The following OSGIN2 variants were observed in gnomAD, a reference collection of about 807,000 sequenced individuals.
OSGIN2 encodes the protein oxidative stress induced growth inhibitor family member 2.
OSGIN2 carries 19 observed loss-of-function variants against 53.8 expected under a neutral mutation model. The ratio of observed to expected loss-of-function variants is 0.35; its 90% CI spans 0.25 to 0.52. OSGIN2 has a LOEUF of 0.52. Among genes scored for constraint, OSGIN2 ranks in the 20% least tolerant of loss-of-function variants. OSGIN2 has a pLI of 0.95. For synonymous variants in OSGIN2, 236 were observed against 236.0 expected (o/e 1.00, Z 0.00); for missense variants, 520 against 662.7 (o/e 0.78, Z 2.36).
chr8:89,915,272 C>T (rs1472586434), intron 4 of OSGIN2, among the ~76,000 whole-genome samples: 1 of 152,138 alleles, frequency 6.6e-6, no homozygotes, highest in Non-Finnish European at 1.5e-5. Context: ...TGGTAAAGGC[C>T]CTCTTCCTAG....
At position 89,927,225 on chromosome 8, in the gene OSGIN2, A is replaced by T. The variant is rs1809357693; in HGVS notation, c.*1693A>T. 6.6e-6 allele frequency: 1 copy of T among 152,024 alleles called. No individual in the cohort carries two copies. The highest frequency in any genetic ancestry group is 1.5e-5 in the Non-Finnish European group (1 of 67,990). 9.4% of individuals were successfully genotyped at this position (152,024 alleles called of 1,614,324 possible). On this transcript the variant is annotated 3_prime_UTR_variant, in exon 6 of 6. Transcript: ENST00000451899. ...AAAAAAGGGAAGGATAAAACCTTTG[A>T]CATCCCCTTGTGTCTCAAAAGTCCA...
intron 2 of OSGIN2, among the ~76,000 whole-genome samples, chr8:89,910,184 A>G (rs1808939547): frequency 6.6e-6 from 1 of 152,198 alleles, no homozygotes; most frequent in African/African-American, 2.4e-5. Context: ...ACTCTAAGGT[A>G]ATGTTTACAG....
At chr8:89,921,797 C>A (rs1322180906) in intron 5 of OSGIN2, among the ~76,000 whole-genome samples, 3 of 152,136 alleles carry the variant, frequency 2.0e-5, no homozygotes, top group Non-Finnish European at 4.4e-5. Flanking sequence ...GCTTGACCAA[C>A]ATGGTGAAAC....
rs1809352539 is a variant in OSGIN2, at chr8:89,927,135, C to T, written c.*1603C>T. ...ACTCTCTTGCCTGCCTGTTTTTGAC[C>T]TCTGCATGAGTTGGATTAGATGTTT... On this transcript the variant is annotated 3_prime_UTR_variant, in exon 6 of 6. Transcript: ENST00000451899. The T allele has an allele frequency of 6.6e-6, 1 of 151,972 alleles. No individual in the cohort carries two copies. The highest frequency in any genetic ancestry group is 1.5e-5 in the Non-Finnish European group (1 of 67,966). 9.4% of individuals were successfully genotyped at this position (151,972 alleles called of 1,614,324 possible). A position where few individuals can be genotyped will look rare whatever the true frequency, so the allele number is the denominator to read the frequency against.
rs1264469524 is a variant in OSGIN2, at chr8:89,925,010, C to T, written c.1128C>T (p.Arg376=). 2 of 1,613,884 alleles carry T rather than the reference C, an allele frequency of 1.2e-6. No homozygotes were observed. The highest frequency in any genetic ancestry group is 1.7e-6 in the Non-Finnish European group (2 of 1,179,880). ...NSNIPVIHVF[R]RRVTDPSLIF... ...ATATCCCTGTGATTCATGTGTTTCG[C>T]AGACGAGTAACTGATCCAAGCTTAA... is the stretch of plus-strand genomic sequence containing the variant. The change falls in exon 6 of 6, where the codon CGC becomes CGT. Residue 376 remains arginine (R), a synonymous_variant. Coordinates refer to ENST00000451899, the MANE Select transcript of OSGIN2 (RefSeq NM_001126111.3).
intron 2 of OSGIN2, among the ~76,000 whole-genome samples, chr8:89,913,008 T>C (rs916755766): frequency 6.6e-6 from 1 of 152,054 alleles, no homozygotes. Flanking sequence ...TCATCAGAAA[T>C]GCAAAAGTCT....
At position 89,914,753 on chromosome 8, in the gene OSGIN2, A is replaced by G. The variant is rs954723371; in HGVS notation, c.528+7A>G. The G allele has an allele frequency of 1.2e-6, 2 of 1,604,862 alleles. No homozygotes were observed. The highest frequency in any genetic ancestry group is 1.7e-6 in the Non-Finnish European group (2 of 1,172,388). ...ACCTGGTGGGGCTTGGCATGTGAGT[A>G]TATTTTTCTTAGCATTTTAGTGTAT... On this transcript the variant is annotated splice_region_variant and intron_variant, in intron 4 of 5. Transcript: ENST00000451899.
At position 89,926,662 on chromosome 8, in the gene OSGIN2, CTG is replaced by C. The variant is rs1255754811; in HGVS notation, c.*1134_*1135del. 6.6e-6 allele frequency: 1 copy of C among 152,138 alleles called. No homozygotes were observed. The highest frequency in any genetic ancestry group is 1.5e-5 in the Non-Finnish European group (1 of 67,998). 9.4% of individuals were successfully genotyped at this position (152,138 alleles called of 1,614,324 possible). A position where few individuals can be genotyped will look rare whatever the true frequency, so the allele number is the denominator to read the frequency against. On this transcript the variant is annotated 3_prime_UTR_variant, in exon 6 of 6. Transcript: ENST00000451899. ...CTAATTATATAAGTGTGTTTACTGTCTGTGTTTTCACACAAACTGCTAGAATT... is the reference window on the plus strand; with the variant it reads ...CTAATTATATAAGTGTGTTTACTGTCTGTTTTCACACAAACTGCTAGAATT...
intron 5 of OSGIN2, 48 bp from the exon 6 acceptor site, chr8:89,924,455 A>G (rs1244593448): frequency 7.4e-7 from 1 of 1,356,276 alleles, no homozygotes; most frequent in East Asian, 2.3e-5. Context: ...TAATCATGGA[A>G]ACTGAAAGTA....
At chr8:89,924,211 T>G (rs1049012007) in intron 5 of OSGIN2, among the ~76,000 whole-genome samples, 1 of 152,172 alleles carries the variant, frequency 6.6e-6, no homozygotes, top group African/African-American at 2.4e-5. Context: ...CTTCATTTAA[T>G]GAAAGTTTAT....
chr8:89,911,280 T>A (rs1170343386), intron 2 of OSGIN2, among the ~76,000 whole-genome samples: 1 of 152,176 alleles, frequency 6.6e-6, no homozygotes, highest in African/African-American at 2.4e-5. Flanking sequence ...GGATCCTTAA[T>A]CATATCTACA....
Position 89,914,140 on chromosome 8 carries a change from C to G in OSGIN2, c.263C>G (p.Ser88Ter). Reference sequence around the variant, plus strand: ...TCAGGCTACAGACCGTATTTATCATCAGAAGCAATACACCCAAATACAATC... The same window carrying G: ...TCAGGCTACAGACCGTATTTATCATGAGAAGCAATACACCCAAATACAATC... ...MLSGYRPYLS[S>*]EAIHPNTILN... Residue 88 changes from serine (S) to a stop codon, truncating the protein, a stop_gained, in exon 3 of 6, where the codon TCA (serine) becomes TGA (stop). Transcript: ENST00000451899. LOFTEE classifies it high-confidence loss of function. 1 of 1,600,958 alleles carries G rather than the reference C, an allele frequency of 6.2e-7. No individual in the cohort carries two copies. The highest frequency in any genetic ancestry group is 1.1e-5 in the South Asian group (1 of 90,744).
At chr8:89,918,998 T>C (rs1022101672) in intron 4 of OSGIN2, among the ~76,000 whole-genome samples, 2 of 152,236 alleles carry the variant, frequency 1.3e-5, no homozygotes, top group Admixed American at 1.3e-4. Context: ...GCCAGACTCA[T>C]CTTTCTAAAT....
At chr8:89,914,828 A>G in intron 4 of OSGIN2, 82 bp downstream of exon 4, 1 of 955,254 alleles carries the variant, frequency 1.0e-6, no homozygotes, top group East Asian at 2.4e-5. Context: ...GCATTATGAT[A>G]ATGTTATATG....
chr8:89,920,459 TGAACAAA>T (rs1238546971), intron 4 of OSGIN2, among the ~76,000 whole-genome samples: 1 of 152,152 alleles, frequency 6.6e-6, no homozygotes, highest in Non-Finnish European at 1.5e-5. Context: ...TGCTTTGTAT[TGAACAAA>T]GCAGAAATAA....
Position 89,925,492 on chromosome 8 carries a change from ATTTG to A in OSGIN2, c.1617_1620del (p.Phe539LeufsTer9), listed in dbSNP as rs202146333. On this transcript the variant is annotated frameshift_variant, in exon 6 of 6. Transcript: ENST00000451899. LOFTEE classifies it high-confidence loss of function. ...TTAGCTACAAGACAGAAGAAAAAGCATTTGTTTGTTGAAAGAGGAGGAGGAGATG... is the reference window on the plus strand; with the variant it reads ...TTAGCTACAAGACAGAAGAAAAAGCATTTGTTGAAAGAGGAGGAGGAGATG... 646 of 1,613,800 alleles carry A rather than the reference ATTTG, an allele frequency of 4.0e-4. 4 individuals carry two copies. The East Asian group carries it at 7.2e-3, about 18-fold the overall frequency.
rs1563470445 is a variant in OSGIN2, at chr8:89,914,672, C to T, written c.454C>T (p.His152Tyr). Residue 152 changes from histidine to tyrosine, a missense_variant, in exon 4 of 6, where the codon CAT becomes TAT. His to Tyr is a moderately conservative substitution (Grantham distance 83). Around this residue, in one of 3 missense-constraint regions of OSGIN2, gnomAD observed 203 missense variants for 275.3 expected, o/e 0.74. Transcript: ENST00000451899. ...DFGYDYPSVL[H>Y]WKLEQHHYIP... ...TGGGTATGATTATCCATCCGTTTTG[C>T]ATTGGAAATTAGAGCAACATCATTA... 1 of 1,613,950 alleles carries T rather than the reference C, an allele frequency of 6.2e-7. No individual in the cohort carries two copies. Among genetic ancestry groups the T allele is most frequent in the Admixed American group, 1.7e-5 (1 of 60,024 alleles).
At chr8:89,904,662 A>C (rs1288387196) in intron 1 of OSGIN2, among the ~76,000 whole-genome samples, 3 of 152,150 alleles carry the variant, frequency 2.0e-5, no homozygotes, top group Non-Finnish European at 4.4e-5. Context: ...CTAAAAACTC[A>C]AAAATTAGCC....
chr8:89,911,811 G>A (rs114225259), intron 2 of OSGIN2, among the ~76,000 whole-genome samples: 3,462 of 150,898 alleles, frequency 0.023, 128 homozygotes, highest in African/African-American at 0.078. Flanking sequence ...GCGAGTGCCT[G>A]TAGTCAGTCC....
Sources: allele counts gnomAD v4.1 joint callset (sites outside exome capture counted in the v4.1 genomes callset), GRCh38; gene constraint gnomAD v4.1.1; regional missense constraint gnomAD v4.1.1; transcripts MANE v1.5; gene names NCBI Gene and HGNC (gene_info 2026-07-23, HGNC 2026-07-21).